The following PAQR5 variants were observed in gnomAD, a reference collection of about 807,000 sequenced individuals.
PAQR5 encodes the protein progestin and adipoQ receptor family member 5.
PAQR5 carries 20 observed loss-of-function variants against 34.5 expected under a neutral mutation model. The observed-to-expected ratio is 0.58, with a 90% CI of 0.41 to 0.84. The LOEUF is 0.84. Among genes scored for constraint, PAQR5 ranks in the 40% least tolerant of loss-of-function variants. The pLI is 0.00. For synonymous variants in PAQR5, 131 were observed against 155.6 expected (o/e 0.84, Z 1.18); for missense variants, 378 against 412.7 (o/e 0.92, Z 0.73).
chr15:69,300,590 CTTCTTTCTTTCTTTCT>C (rs71147600), intron 1 of PAQR5, among the ~76,000 whole-genome samples: 2,131 of 42,200 alleles, frequency 0.05, 493 homozygotes, highest in Non-Finnish European at 0.082. Flanking sequence ...TCTTTCTTTC[CTTCTTTCTTTCTTTCT>C]TTCTTTCTTT....
chr15:69,345,857 C>G (rs1006503090), intron 2 of PAQR5, among the ~76,000 whole-genome samples: 4 of 152,132 alleles, frequency 2.6e-5, no homozygotes, highest in African/African-American at 9.7e-5. Context: ...TGCTTGATGC[C>G]AGGAGTTCAA....
At chr15:69,375,667 G>C (rs186705806) in intron 3 of PAQR5, among the ~76,000 whole-genome samples, 1 of 152,100 alleles carries the variant, frequency 6.6e-6, no homozygotes, top group South Asian at 2.1e-4. Context: ...CTTTGCTTCC[G>C]TTACTTTTGA....
intron 6 of PAQR5, among the ~76,000 whole-genome samples, chr15:69,390,011 T>A (rs555762564): frequency 2.2e-4 from 34 of 152,278 alleles, no homozygotes; most frequent in Middle Eastern, 3.4e-3. Context: ...TCTGCTGCCT[T>A]TTTTTGTTTT....
At chr15:69,329,755 G>A (rs1007768169) in intron 1 of PAQR5, among the ~76,000 whole-genome samples, 1 of 152,032 alleles carries the variant, frequency 6.6e-6, no homozygotes, top group Non-Finnish European at 1.5e-5. Flanking sequence ...AAGGTGCTAG[G>A]AGTATAGGAA....
At chr15:69,372,793 T>C (rs1349060160) in intron 3 of PAQR5, among the ~76,000 whole-genome samples, 8 of 152,300 alleles carry the variant, frequency 5.3e-5, no homozygotes, top group African/African-American at 1.9e-4. Context: ...TCAAACCACA[T>C]GCCACCATAC....
At chr15:69,349,936 C>G (rs762668847) in intron 2 of PAQR5, among the ~76,000 whole-genome samples, 9 of 152,006 alleles carry the variant, frequency 5.9e-5, no homozygotes, top group Non-Finnish European at 1.3e-4. Context: ...GCCACGGTGC[C>G]CAGCCTTCCC....
At chr15:69,379,634 CA>C (rs2055823938) in intron 3 of PAQR5, 1 of 964,456 alleles carries the variant, frequency 1.0e-6, no homozygotes, top group Non-Finnish European at 1.2e-6. Flanking sequence ...AATGCAAAGA[CA>C]GGCTGGATTC....
At chr15:69,303,820 C>T (rs994082109) in intron 1 of PAQR5, among the ~76,000 whole-genome samples, 3 of 152,162 alleles carry the variant, frequency 2.0e-5, no homozygotes, top group African/African-American at 7.2e-5. Flanking sequence ...CTCAGCACGC[C>T]CCCCACAGAG....
At chr15:69,397,434 T>G (rs1298317633) in intron 6 of PAQR5, 34 bp from the exon 7 acceptor site, 1 of 1,433,644 alleles carries the variant, frequency 7.0e-7, no homozygotes, top group East Asian at 2.3e-5. Context: ...CTCTTTTCAT[T>G]CCATTTCCTC....
intron 3 of PAQR5, among the ~76,000 whole-genome samples, chr15:69,375,755 C>T (rs1487964390): frequency 6.6e-6 from 1 of 152,138 alleles, no homozygotes; most frequent in African/African-American, 2.4e-5. Context: ...GGCTCTTCCT[C>T]ACAAGCTGGT....
chr15:69,334,813 T>C (rs1490796891), intron 1 of PAQR5, among the ~76,000 whole-genome samples: 1 of 152,188 alleles, frequency 6.6e-6, no homozygotes, highest in East Asian at 1.9e-4. Flanking sequence ...GTTTTAAAGA[T>C]TGTCTTAACC....
chr15:69,335,595 G>A (rs1471055910), intron 1 of PAQR5, among the ~76,000 whole-genome samples: 2 of 128,622 alleles, frequency 1.6e-5, no homozygotes, highest in African/African-American at 5.9e-5. Context: ...TGTCGCCCAG[G>A]CTGGTGTGCA....
intron 1 of PAQR5, among the ~76,000 whole-genome samples, chr15:69,299,302 GCT>G (rs1376621413): frequency 1.3e-5 from 2 of 152,198 alleles, no homozygotes; most frequent in Non-Finnish European, 2.9e-5. Flanking sequence ...CGTGCAGAAG[GCT>G]CTCTGCTGCA....
chr15:69,363,355 A>G (rs1030611911), intron 3 of PAQR5, among the ~76,000 whole-genome samples: 3 of 152,138 alleles, frequency 2.0e-5, no homozygotes, highest in African/African-American at 7.2e-5. Flanking sequence ...GGTACATCAG[A>G]GGGTCATTAA....
intron 2 of PAQR5, among the ~76,000 whole-genome samples, chr15:69,357,986 G>T (rs1413657179): frequency 6.6e-6 from 1 of 152,122 alleles, no homozygotes; most frequent in Non-Finnish European, 1.5e-5. Context: ...GGTACGATGT[G>T]GTTGGTGCTG....
At chr15:69,333,562 C>T (rs182751402) in intron 1 of PAQR5, among the ~76,000 whole-genome samples, 1 of 152,190 alleles carries the variant, frequency 6.6e-6, no homozygotes, top group East Asian at 1.9e-4. Flanking sequence ...AGAGATGGGC[C>T]GATTACAAAA....
intron 1 of PAQR5, among the ~76,000 whole-genome samples, chr15:69,322,811 G>GGAAGAAGAA (rs1360531654): frequency 0.07 from 1,764 of 25,362 alleles, 632 homozygotes; most frequent in African/African-American, 0.15. Flanking sequence ...AAGAGGAAGA[G>GGAAGAAGAA]GAAGAAGAAG....
intron 1 of PAQR5, among the ~76,000 whole-genome samples, chr15:69,308,781 T>C (rs546978754): frequency 6.6e-6 from 1 of 152,110 alleles, no homozygotes; most frequent in Non-Finnish European, 1.5e-5. Flanking sequence ...GCAAAGGCCC[T>C]GAGGTGAGAG....
chr15:69,402,526 C>T (rs915989564), intron 8 of PAQR5, among the ~76,000 whole-genome samples: 6 of 151,928 alleles, frequency 3.9e-5, no homozygotes, highest in Non-Finnish European at 7.4e-5. Flanking sequence ...TCATGTTAGC[C>T]AAAATGGTCT....
Sources: allele counts gnomAD v4.1 joint callset (sites outside exome capture counted in the v4.1 genomes callset), GRCh38; gene constraint gnomAD v4.1.1; transcripts MANE v1.5; gene names NCBI Gene and HGNC (gene_info 2026-07-23, HGNC 2026-07-21).